GRM5: variants seen among roughly 807,000 people sequenced by gnomAD.
The protein encoded by GRM5 is glutamate metabotropic receptor 5, also known as metabotropic glutamate receptor 5.
In GRM5, 19 loss-of-function variants were observed where a neutral mutation model predicts 83.1. The ratio of observed to expected loss-of-function variants is 0.23; its 90% CI spans 0.16 to 0.34. GRM5 has a LOEUF of 0.34. GRM5 is among the 10% of genes least tolerant of loss of function. The probability of loss-of-function intolerance (pLI) is 1.00; values close to 1 mark genes in which losing one functional copy is unlikely to be tolerated. For missense variants in GRM5, 1,160 were observed against 1,588.3 expected (o/e 0.73, Z 4.58); for synonymous variants, 675 against 633.6 (o/e 1.07, Z -0.98).
intron 4 of GRM5, among the ~76,000 whole-genome samples, chr11:88,618,370 C>G (rs911535645): frequency 1.3e-5 from 2 of 152,196 alleles, no homozygotes; most frequent in Non-Finnish European, 2.9e-5. Flanking sequence ...TAAACTCAGA[C>G]TGTTGATACC....
chr11:88,978,474 T>TAAAAAAAAAA (rs200343438), intron 2 of GRM5, among the ~76,000 whole-genome samples: 14 of 97,980 alleles, frequency 1.4e-4, no homozygotes, highest in East Asian at 3.0e-4. Flanking sequence ...CAGATGAGCT[T>TAAAAAAAAAA]AAAAAAAAAA....
At position 89,030,019 on chromosome 11, in the gene GRM5, C is replaced by G. The variant is rs192664491; in HGVS notation, c.661+17193G>C. Among the ~76,000 whole-genome samples the G allele has an allele frequency of 3.9e-5, 6 of 152,164 alleles. No individual in the cohort carries two copies. The East Asian group carries it at 9.7e-4, about 24-fold the overall frequency. On this transcript the variant is annotated intron_variant, in intron 2 of 9. Transcript: ENST00000305447. ...TCCTTCTTTCTGGGAGACATTGTCT[C>G]TCTTTAAGAACTCTAAAATTGACAC...
At position 89,001,255 on chromosome 11, in the gene GRM5, A is replaced by G. The variant is rs1940368925; in HGVS notation, c.661+45957T>C. On this transcript the variant is annotated intron_variant, in intron 2 of 9. Coordinates refer to ENST00000305447, the MANE Select transcript of GRM5 (RefSeq NM_001143831.3). ...GAGAAATGAAAACTTCTGCTTGCAC[A>G]CACAAAAAGTGCTAGAATGTTCACA... Among the ~76,000 whole-genome samples, 2 of 152,210 alleles carry G rather than the reference A, an allele frequency of 1.3e-5. 1 individual carries two copies. The highest frequency in any genetic ancestry group is 4.1e-4 in the South Asian group (2 of 4,822).
intron 3 of GRM5, among the ~76,000 whole-genome samples, chr11:88,686,567 C>T (rs1413054201): frequency 6.6e-6 from 1 of 152,058 alleles, no homozygotes; most frequent in Non-Finnish European, 1.5e-5. Flanking sequence ...TCTGTGTCTC[C>T]ACCCAAATCT....
At chr11:88,743,956 T>G (rs1251731806) in intron 3 of GRM5, among the ~76,000 whole-genome samples, 2 of 152,110 alleles carry the variant, frequency 1.3e-5, no homozygotes, top group Non-Finnish European at 2.9e-5. Context: ...AAAGCAAAAT[T>G]CAAAGCTGTT....
chr11:88,825,960 T>G (rs1943888627), intron 3 of GRM5, among the ~76,000 whole-genome samples: 1 of 152,156 alleles, frequency 6.6e-6, no homozygotes, highest in African/African-American at 2.4e-5. Flanking sequence ...ATGCATTATA[T>G]TTTTTTGGAC....
At chr11:88,693,474 T>C (rs966944852) in intron 3 of GRM5, among the ~76,000 whole-genome samples, 1 of 152,122 alleles carries the variant, frequency 6.6e-6, no homozygotes, top group Non-Finnish European at 1.5e-5. Flanking sequence ...TCTGAAAATG[T>C]TGAGAAACAA....
intron 2 of GRM5, among the ~76,000 whole-genome samples, chr11:88,863,571 T>C (rs1468215210): frequency 6.6e-6 from 1 of 151,888 alleles, no homozygotes; most frequent in African/African-American, 2.4e-5. Flanking sequence ...TGAGAACACA[T>C]GAACACAGGG....
In GRM5 at chr11:88,800,840, T is replaced by C. The variant is rs1193276733; in HGVS notation, c.911+49066A>G. ...TTTCCAGTGTGGCCATGAGGATCAA[T>C]TGTGATAAATGTGAAAATAACAGCA... On this transcript the variant is annotated intron_variant, in intron 3 of 9. Coordinates refer to ENST00000305447, the MANE Select transcript of GRM5 (RefSeq NM_001143831.3). Among the ~76,000 whole-genome samples, 3 of 152,140 alleles carry C rather than the reference T, an allele frequency of 2.0e-5. No individual in the cohort carries two copies. In the East Asian group the frequency reaches 5.8e-4, roughly 29 times the overall value.
At chr11:88,745,210 T>TTTC in intron 3 of GRM5, among the ~76,000 whole-genome samples, 1 of 145,654 alleles carries the variant, frequency 6.9e-6, no homozygotes, top group African/African-American at 2.5e-5. Flanking sequence ...TTTTTTTTTT[T>TTTC]TCTGAGACAG....
chr11:88,898,646 C>G (rs1025458510), intron 2 of GRM5, among the ~76,000 whole-genome samples: 1 of 152,010 alleles, frequency 6.6e-6, no homozygotes, highest in African/African-American at 2.4e-5. Flanking sequence ...CACACACACA[C>G]ACACATAAAC....
chr11:89,022,084 C>T (rs1259746127), intron 2 of GRM5, among the ~76,000 whole-genome samples: 2 of 152,090 alleles, frequency 1.3e-5, no homozygotes, highest in Admixed American at 1.3e-4. Flanking sequence ...CAGCATATCA[C>T]ATGGGGCCTG....
At chr11:88,683,114 C>A (rs997712675) in intron 3 of GRM5, among the ~76,000 whole-genome samples, 3 of 152,082 alleles carry the variant, frequency 2.0e-5, no homozygotes, top group Admixed American at 6.6e-5. Context: ...CCTATTTTTC[C>A]AGGCACTTTT....
In GRM5 at chr11:88,508,560, C is replaced by T. The variant is rs556337599; in HGVS notation, c.*32G>A. On this transcript the variant is annotated 3_prime_UTR_variant, in exon 10 of 10. Transcript: ENST00000305447. The surrounding 1 kb of genome is among the most constrained non-coding windows in gnomAD (Gnocchi z 4.2). Reference sequence around the variant, plus strand: ...TGTGAACACGGGGGGCTCCGCTCCGCACGCGCAGGCCGGCGTGCTTTCCAG... The same window carrying T: ...TGTGAACACGGGGGGCTCCGCTCCGTACGCGCAGGCCGGCGTGCTTTCCAG... 1.3e-6 allele frequency: 2 copies of T among 1,581,132 alleles called. No homozygotes were observed. Among genetic ancestry groups the T allele is most frequent in the East Asian group, 2.3e-5 (1 of 43,032 alleles).
At chr11:88,869,437 C>A (rs1344698422) in intron 2 of GRM5, among the ~76,000 whole-genome samples, 1 of 151,552 alleles carries the variant, frequency 6.6e-6, no homozygotes, top group Non-Finnish European at 1.5e-5. Flanking sequence ...AATGCAATGA[C>A]TGTTCATAAT....
At chr11:89,029,376 C>G (rs761897852) in intron 2 of GRM5, among the ~76,000 whole-genome samples, 1 of 152,122 alleles carries the variant, frequency 6.6e-6, no homozygotes, top group Non-Finnish European at 1.5e-5. Context: ...AGTGACATAA[C>G]AAAGTCAGAT....
At chr11:88,961,369 T>A (rs1374827631) in intron 2 of GRM5, among the ~76,000 whole-genome samples, 5 of 152,160 alleles carry the variant, frequency 3.3e-5, no homozygotes, top group East Asian at 1.9e-4. Context: ...AGCATTTTTT[T>A]TTTTTTTGCT....
At chr11:88,739,723 G>A (rs998065203) in intron 3 of GRM5, among the ~76,000 whole-genome samples, 11 of 152,026 alleles carry the variant, frequency 7.2e-5, no homozygotes, top group African/African-American at 2.7e-4. Context: ...TTGTGAAGAA[G>A]GTACTTGCTT....
At chr11:88,560,364 T>G (rs547891303) in intron 8 of GRM5, among the ~76,000 whole-genome samples, 1 of 152,268 alleles carries the variant, frequency 6.6e-6, no homozygotes, top group Non-Finnish European at 1.5e-5. Flanking sequence ...ATCATGGCAC[T>G]GTATTGCTTT....
Sources: gnomAD v4.1 joint callset for allele counts (sites outside exome capture counted in the v4.1 genomes callset) on GRCh38, gnomAD v4.1.1 for gene constraint, Gnocchi (gnomAD v3.1) non-coding constraint, MANE v1.5 for transcripts, NCBI Gene and HGNC (gene_info 2026-07-23, HGNC 2026-07-21) for gene names.